SETD5: variants seen among roughly 807,000 people sequenced by gnomAD.
SETD5 encodes the protein histone-lysine N-methyltransferase SETD5.
SETD5 carries 44 observed loss-of-function variants against 153.3 expected under a neutral mutation model. The observed-to-expected ratio is 0.29, with a 90% CI of 0.23 to 0.37. The LOEUF is 0.37. SETD5 is among the 10% of genes least tolerant of loss of function. The probability of loss-of-function intolerance (pLI) is 1.00; values close to 1 mark genes in which losing one functional copy is unlikely to be tolerated. For missense variants in SETD5, 1,544 were observed against 1,768.0 expected, an observed-to-expected ratio of 0.87 and a Z score of 2.27; for synonymous variants, 716 against 645.2, an observed-to-expected ratio of 1.11 and a Z score of -1.66.
chr3:9,402,704 A>G (rs1395118459), intron 1 of SETD5, among the ~76,000 whole-genome samples: 2 of 152,202 alleles, frequency 1.3e-5, no homozygotes, highest in Non-Finnish European at 2.9e-5. Flanking sequence ...TGTTAGTTAC[A>G]TGTATACTTT....
chr3:9,470,008 C>T lies in SETD5; in HGVS notation c.2725-451C>T, dbSNP rs143764046. Among the ~76,000 whole-genome samples, 381 of 152,246 alleles carry T rather than the reference C, an allele frequency of 2.5e-3. 2 individuals are homozygous for T. The highest frequency in any genetic ancestry group is 9.4e-3 in the Admixed American group (144 of 15,298). ...TTCCTCCACCTTTTTCCCTTCCCCC[C>T]ACCTTCCATCAATATTAATTTAGAA... On this transcript the variant is annotated intron_variant, in intron 18 of 22. Transcript: ENST00000402198.
intron 18 of SETD5, 117 bp downstream of exon 18, chr3:9,464,789 TAAG>T (rs1457312739): frequency 7.9e-6 from 12 of 1,519,758 alleles, no homozygotes; most frequent in Admixed American, 1.7e-5. Context: ...CCCATCTCAG[TAAG>T]AGAATGGGAA....
chr3:9,442,630 AT>A (rs574769571), intron 10 of SETD5, among the ~76,000 whole-genome samples: 2 of 152,186 alleles, frequency 1.3e-5, no homozygotes, highest in South Asian at 2.1e-4. Flanking sequence ...GGATCTAGAC[AT>A]TTCTAGAATT....
rs1311335297 is a variant in SETD5 at position 9,477,747 on chromosome 3, C to G, written c.*1656C>G. ...AGTACTTTTCTTTTTGTTGTTTCCC[C>G]CACAAACCCATCAGTCTGGGAGAGC... On this transcript the variant is annotated 3_prime_UTR_variant, in exon 23 of 23. Transcript: ENST00000402198. The G allele has an allele frequency of 6.6e-6, 1 of 151,782 alleles. No individual in the cohort carries two copies. The highest frequency in any genetic ancestry group is 1.5e-5 in the Non-Finnish European group (1 of 67,930). The allele number at this position is 151,782 out of a possible 1,614,324, so 9.4% of individuals were successfully genotyped here.
intron 16 of SETD5, 96 bp downstream of exon 16, chr3:9,448,726 T>G: frequency 8.0e-7 from 1 of 1,252,374 alleles, no homozygotes. Context: ...AATAAAATGT[T>G]CTCTAGATAG....
At chr3:9,407,063 C>G (rs558392954) in intron 1 of SETD5, among the ~76,000 whole-genome samples, 2 of 152,348 alleles carry the variant, frequency 1.3e-5, no homozygotes, top group Admixed American at 1.3e-4. Flanking sequence ...CGTGGCGGCT[C>G]ACACTTGTAA....
intron 3 of SETD5, chr3:9,429,803 G>T: frequency 7.7e-7 from 1 of 1,298,618 alleles, no homozygotes; most frequent in Non-Finnish European, 1.0e-6. Flanking sequence ...TACCTCCCTT[G>T]TACCCAATCT....
intron 1 of SETD5, among the ~76,000 whole-genome samples, chr3:9,413,502 C>CT (rs1447953755): frequency 1.3e-5 from 2 of 152,036 alleles, no homozygotes; most frequent in African/African-American, 4.8e-5. Flanking sequence ...TAGTTTTGAT[C>CT]TTTTTTCTCT....
chr3:9,464,368 T>C lies in SETD5; in HGVS notation c.2477-57T>C, dbSNP rs2044317832. On this transcript the variant is annotated intron_variant, in intron 17 of 22. Transcript: ENST00000402198. ...AGATTACAGATTAATGGCTTTACTG[T>C]AGAGCCTTAAATTAATCTGTGGTTT... The C allele has an allele frequency of 2.5e-6, 4 of 1,568,652 alleles. No homozygotes were observed. In the South Asian group the frequency reaches 3.6e-5, roughly 14 times the overall value.
Position 9,447,158 on chromosome 3 carries a change from A to G in SETD5, c.1633A>G (p.Ile545Val). The G allele has an allele frequency of 6.2e-7, 1 of 1,614,020 alleles. No homozygotes were observed. The change falls in exon 14 of 23, where the codon ATT (isoleucine) becomes GTT (valine). Residue 545 changes from isoleucine to valine, a missense_variant. Ile to Val is a conservative substitution (Grantham distance 29, BLOSUM62 3). Transcript: ENST00000402198. ...PLEQSNSDVE[I>V]TTTTSETPVG... Reference sequence around the variant, plus strand: ...GGAACAGAGCAACTCTGATGTAGAGATTACTACAACCACCTCAGAGACTCC... The same window carrying G: ...GGAACAGAGCAACTCTGATGTAGAGGTTACTACAACCACCTCAGAGACTCC...
chr3:9,419,705 A>T (rs1443692412), intron 1 of SETD5, among the ~76,000 whole-genome samples: 1 of 152,226 alleles, frequency 6.6e-6, no homozygotes, highest in African/African-American at 2.4e-5. Flanking sequence ...TGAACTTCAT[A>T]CAAGTTAATC....
rs2045891489 is a variant in SETD5 at position 9,477,041 on chromosome 3, G to A, written c.*950G>A. ...ATCCCATGAGCAGGACCGCCTCCAT[G>A]ATTGGGGAGCATGCACTTGTGACTG... On this transcript the variant is annotated 3_prime_UTR_variant, in exon 23 of 23. Transcript: ENST00000402198. 1 of 152,696 alleles carries A rather than the reference G, an allele frequency of 6.5e-6. No individual in the cohort carries two copies. The highest frequency in any genetic ancestry group is 1.5e-5 in the Non-Finnish European group (1 of 68,058). 9.5% of individuals were successfully genotyped at this position (152,696 alleles called of 1,614,324 possible). A position where few individuals can be genotyped will look rare whatever the true frequency, so the allele number is the denominator to read the frequency against.
At chr3:9,415,086 C>T (rs951572349) in intron 1 of SETD5, among the ~76,000 whole-genome samples, 1 of 152,006 alleles carries the variant, frequency 6.6e-6, no homozygotes, top group African/African-American at 2.4e-5. Flanking sequence ...TTAAAAGAGA[C>T]AGTAACATAA....
intron 1 of SETD5, among the ~76,000 whole-genome samples, chr3:9,412,397 T>TTTTTTG (rs2036722843): frequency 1.4e-5 from 2 of 139,190 alleles, no homozygotes; most frequent in Non-Finnish European, 3.1e-5. Flanking sequence ...GTTTTTTTTT[T>TTTTTTG]TTTTTTTTTT....
chr3:9,402,726 A>G (rs2035002714), intron 1 of SETD5, among the ~76,000 whole-genome samples: 1 of 152,186 alleles, frequency 6.6e-6, no homozygotes, highest in Non-Finnish European at 1.5e-5. Context: ...GGCCTATGTT[A>G]TGAATCACAA....
chr3:9,423,483 A>C (rs1470509286), intron 1 of SETD5, among the ~76,000 whole-genome samples: 1 of 152,030 alleles, frequency 6.6e-6, no homozygotes, highest in Non-Finnish European at 1.5e-5. Flanking sequence ...TTTACCCCCT[A>C]CTGTACACTC....
rs772781722 is a variant in SETD5, at chr3:9,448,573, C to G, written c.2289C>G (p.Ile763Met). The G allele has an allele frequency of 6.2e-7, 1 of 1,612,248 alleles. No individual in the cohort carries two copies. The highest frequency in any genetic ancestry group is 8.5e-7 in the Non-Finnish European group (1 of 1,178,622). Residue 763 changes from isoleucine to methionine, a missense_variant, in exon 16 of 23, where the codon ATC becomes ATG. Transcript: ENST00000402198. ...KHYIRFGSPF[I>M]PERRRRPLLP... ...ACATTCGCTTTGGCTCACCCTTTAT[C>G]CCTGAGAGACGTCGAAGGCCCCTTC...
Position 9,464,520 on chromosome 3 carries a change from C to G in SETD5, c.2572C>G (p.Pro858Ala), listed in dbSNP as rs749196583. The G allele has an allele frequency of 3.7e-6, 6 of 1,613,902 alleles. No homozygotes were observed. The East Asian group carries it at 8.9e-5, about 24-fold the overall frequency. Residue 858 changes from proline to alanine, a missense_variant, in exon 18 of 23, where the codon CCT (proline) becomes GCT (alanine). Physicochemically the swap from Pro to Ala is conservative, Grantham distance 27. Transcript: ENST00000402198. ...LRPLSPVTPPPPNSGSKSPQL... is the reference protein window; with the variant it reads ...LRPLSPVTPPAPNSGSKSPQL... ...GCCTCTGTCTCCAGTCACACCACCC[C>G]CTCCCAATTCAGGCTCAAAGAGTCC...
intron 16 of SETD5, 45 bp downstream of exon 16, chr3:9,448,675 CTTTAT>C: frequency 6.9e-7 from 1 of 1,444,278 alleles, no homozygotes; most frequent in Non-Finnish European, 9.2e-7. Flanking sequence ...TGTGTGTGTG[CTTTAT>C]TTTTTTAAGC....
Sources: gnomAD v4.1 joint callset for allele counts (sites outside exome capture counted in the v4.1 genomes callset) on GRCh38, gnomAD v4.1.1 for gene constraint, MANE v1.5 for transcripts, NCBI Gene and HGNC (gene_info 2026-07-23, HGNC 2026-07-21) for gene names.